The following RYR2 variants were observed in gnomAD, a reference collection of about 807,000 sequenced individuals.
The protein encoded by RYR2 is cardiac muscle ryanodine receptor-calcium release channel.
Under a neutral mutation model 601.1 loss-of-function variants are expected in RYR2, and 227 were observed. The observed-to-expected ratio is 0.38, with a 90% CI of 0.34 to 0.42. The LOEUF (loss-of-function observed/expected upper bound fraction) is 0.42. Among genes scored for constraint, RYR2 ranks in the 10% least tolerant of loss-of-function variants. The pLI, the probability that RYR2 is intolerant of heterozygous loss-of-function variation, is 1.00. For synonymous variants in RYR2, 2,223 were observed against 2,175.1 expected, an observed-to-expected ratio of 1.02 and a Z score of -0.61; for missense variants, 4,646 against 6,156.5, an observed-to-expected ratio of 0.75 and a Z score of 8.21.
chr1:237,369,422 C>T, intron 5 of RYR2, 112 bp from the exon 6 acceptor site: 1 of 891,200 alleles, frequency 1.1e-6, no homozygotes, highest in South Asian at 1.4e-5. Context: ...GCTCTTAATA[C>T]ATTCTTTCCT....
intron 29 of RYR2, among the ~76,000 whole-genome samples, chr1:237,587,856 ACTC>A (rs1196980715): frequency 6.6e-6 from 1 of 152,142 alleles, no homozygotes; most frequent in Non-Finnish European, 1.5e-5. Context: ...TAGGCTAGGA[ACTC>A]CTTCTACAAA....
chr1:237,277,308 A>G (rs1690386913), intron 2 of RYR2, among the ~76,000 whole-genome samples: 1 of 152,196 alleles, frequency 6.6e-6, no homozygotes, highest in African/African-American at 2.4e-5. Context: ...CACTTTCTTT[A>G]AGGTAGTACA....
intron 60 of RYR2, among the ~76,000 whole-genome samples, chr1:237,676,194 GAGAA>G (rs753710046): frequency 2.3e-4 from 35 of 152,280 alleles, no homozygotes; most frequent in Non-Finnish European, 3.4e-4. Flanking sequence ...AGGGACAGGA[GAGAA>G]AGAAAGAGTC....
chr1:237,183,760 C>A (rs527610165), intron 1 of RYR2, among the ~76,000 whole-genome samples: 1 of 152,088 alleles, frequency 6.6e-6, no homozygotes, highest in Non-Finnish European at 1.5e-5. Flanking sequence ...TTGTCTCATC[C>A]TTTGTTCAAT....
intron 1 of RYR2, among the ~76,000 whole-genome samples, chr1:237,055,259 G>A (rs1572469779): frequency 6.6e-6 from 1 of 152,162 alleles, no homozygotes; most frequent in Non-Finnish European, 1.5e-5. Flanking sequence ...TGAGACCAGG[G>A]TCAGGGATTT....
At chr1:237,803,995 T>C (rs969745818) in intron 98 of RYR2, among the ~76,000 whole-genome samples, 1 of 152,164 alleles carries the variant, frequency 6.6e-6, no homozygotes, top group Non-Finnish European at 1.5e-5. Context: ...CTTCCTCATA[T>C]ATAAATTGGG....
chr1:237,825,100 T>A (rs1349173868), intron 101 of RYR2, among the ~76,000 whole-genome samples: 1 of 152,172 alleles, frequency 6.6e-6, no homozygotes, highest in Non-Finnish European at 1.5e-5. Flanking sequence ...CAAAGTAATT[T>A]ATAGATTCAA....
rs1688997271 is a variant in RYR2, at chr1:237,713,382, T to TTTTGTA, written c.10323+1550_10323+1551insATTTGT. ...ATTTTCTCAAACTAAAAAATTATTT[T>TTTTGTA]TTTGTTTTTGTTTTTGTTTGTTTTG... On this transcript the variant is annotated intron_variant, in intron 71 of 104. Transcript: ENST00000366574. 4.6e-5 allele frequency among the ~76,000 whole-genome samples: 7 copies of TTTTGTA among 152,212 alleles called. No homozygotes were observed. In the South Asian group the frequency reaches 1.5e-3, roughly 32 times the overall value.
rs1559066711 is a variant in RYR2 at position 237,584,656 on chromosome 1, T to TTTTTTG, written c.3599-5132_3599-5131insGTTTTT. Among the ~76,000 whole-genome samples, 156 of 38,528 alleles carry TTTTTTG rather than the reference T, an allele frequency of 4.0e-3. 1 individual carries two copies. Among genetic ancestry groups the TTTTTTG allele is most frequent in the South Asian group, 0.022 (12 of 542 alleles). 25.3% of individuals were successfully genotyped at this position (38,528 alleles called of 152,430 possible). On this transcript the variant is annotated intron_variant, in intron 29 of 104. Transcript: ENST00000366574. Reference sequence around the variant, plus strand: ...AAATCCAGCTCACCACCTGTTTTTTTTTTTTTTTTTTTTTTTTGAGACAGG... The same window carrying TTTTTTG: ...AAATCCAGCTCACCACCTGTTTTTTTTTTTTGTTTTTTTTTTTTTTTTTGAGACAGG...
intron 1 of RYR2, among the ~76,000 whole-genome samples, chr1:237,241,150 G>A (rs1572327823): frequency 1.3e-5 from 2 of 152,174 alleles, no homozygotes; most frequent in East Asian, 1.9e-4. Context: ...ACAGGACATA[G>A]TTTGAATGCA....
chr1:237,460,547 C>T (rs1314922718), intron 16 of RYR2, among the ~76,000 whole-genome samples: 1 of 152,288 alleles, frequency 6.6e-6, no homozygotes, highest in East Asian at 1.9e-4. Flanking sequence ...TTATTCACTA[C>T]CTAGCACTAT....
chr1:237,693,111 A>G (rs1687092393), intron 63 of RYR2, among the ~76,000 whole-genome samples: 1 of 152,220 alleles, frequency 6.6e-6, no homozygotes, highest in Non-Finnish European at 1.5e-5. Flanking sequence ...AAATTTTCTT[A>G]CATTCACGAA....
rs1057522387 is a variant in RYR2, at chr1:237,330,928, C to T, written c.219C>T (p.Leu73=). 6.2e-7 allele frequency: 1 copy of T among 1,614,026 alleles called. No homozygotes were observed. Among genetic ancestry groups the T allele is most frequent in the Non-Finnish European group, 8.5e-7 (1 of 1,179,898 alleles). The change falls in exon 3 of 105, where the codon CTC becomes CTT. Residue 73 remains leucine (L), a synonymous_variant. Coordinates refer to ENST00000366574, the MANE Select transcript of RYR2 (RefSeq NM_001035.3). Reference sequence around the variant, plus strand: ...GCACCTTTGTGCTGGAGCAGTCCCTCTCTGTCCGGGCGCTGCAGGAGATGC... The same window carrying T: ...GCACCTTTGTGCTGGAGCAGTCCCTTTCTGTCCGGGCGCTGCAGGAGATGC... The part of the protein sequence containing the change: ...SICTFVLEQS[L]SVRALQEMLA...
chr1:237,073,724 A>T (rs1664660871), intron 1 of RYR2, among the ~76,000 whole-genome samples: 1 of 152,128 alleles, frequency 6.6e-6, no homozygotes, highest in Admixed American at 6.5e-5. Context: ...AAAAAAAATT[A>T]GCTGGGTGTT....
intron 1 of RYR2, among the ~76,000 whole-genome samples, chr1:237,254,322 C>G (rs1257996517): frequency 1.3e-5 from 2 of 152,138 alleles, no homozygotes; most frequent in Admixed American, 1.3e-4. Flanking sequence ...TTCAAAATCA[C>G]CTTATCTTGA....
chr1:237,627,198 G>A (rs1227742153), intron 40 of RYR2, among the ~76,000 whole-genome samples: 1 of 152,078 alleles, frequency 6.6e-6, no homozygotes, highest in African/African-American at 2.4e-5. Flanking sequence ...CATTTACTAT[G>A]TTTCATGTTA....
At chr1:237,431,299 T>G (rs1706784622) in intron 12 of RYR2, among the ~76,000 whole-genome samples, 1 of 152,198 alleles carries the variant, frequency 6.6e-6, no homozygotes, top group Admixed American at 6.5e-5. Context: ...AATGACTTCT[T>G]CTATTATATA....
At chr1:237,746,762 T>C (rs1038034188) in intron 80 of RYR2, among the ~76,000 whole-genome samples, 1 of 152,176 alleles carries the variant, frequency 6.6e-6, no homozygotes, top group African/African-American at 2.4e-5. Context: ...AGGCCGATGT[T>C]AATTGAAAGG....
At chr1:237,049,161 C>T (rs541172959) in intron 1 of RYR2, among the ~76,000 whole-genome samples, 2 of 152,230 alleles carry the variant, frequency 1.3e-5, no homozygotes, top group East Asian at 3.9e-4. Flanking sequence ...GTTACAGTCA[C>T]TAGAGCAAAT....
Sources: allele counts gnomAD v4.1 joint callset (sites outside exome capture counted in the v4.1 genomes callset), GRCh38; gene constraint gnomAD v4.1.1; transcripts MANE v1.5; gene names NCBI Gene and HGNC (gene_info 2026-07-23, HGNC 2026-07-21).